The following MATCAP2 variants were observed in gnomAD, a reference collection of about 807,000 sequenced individuals.
MATCAP2 encodes microtubule associated tyrosine carboxypeptidase 2, also known as putative tyrosine carboxypeptidase MATCAP2.
the MATCAP2 span, among the ~76,000 whole-genome samples, chr7:36,353,061 G>A: frequency 6.6e-6 from 1 of 152,034 alleles, no homozygotes; most frequent in South Asian, 2.1e-4. Context: ...GATCACTTGA[G>A]CTCAGGAGAC....
chr7:36,343,640 GAAAA>G, the MATCAP2 span, among the ~76,000 whole-genome samples: 2 of 16,470 alleles, frequency 1.2e-4, no homozygotes, highest in Admixed American at 2.0e-3. Flanking sequence ...AAAAGAAAAA[GAAAA>G]AGAAAAGAGA....
At chr7:36,366,261 G>GT in the MATCAP2 span, among the ~76,000 whole-genome samples, 6 of 151,950 alleles carry the variant, frequency 3.9e-5, no homozygotes, top group African/African-American at 9.7e-5. Flanking sequence ...ATTATGTAAG[G>GT]TTTTTTTTAA....
chr7:36,375,220 A>G, the MATCAP2 span, among the ~76,000 whole-genome samples: 1 of 152,140 alleles, frequency 6.6e-6, no homozygotes, highest in Non-Finnish European at 1.5e-5. Flanking sequence ...TGACTTTTTA[A>G]TGATCGCCAT....
the MATCAP2 span, chr7:36,366,604 T>C: frequency 5.0e-6 from 7 of 1,410,264 alleles, no homozygotes; most frequent in East Asian, 1.3e-4. Context: ...CTAGCGTGTT[T>C]TGAAATAGGA....
the MATCAP2 span, among the ~76,000 whole-genome samples, chr7:36,362,928 G>A: frequency 2.6e-5 from 4 of 152,214 alleles, no homozygotes; most frequent in East Asian, 5.8e-4. Flanking sequence ...TATATTTGTT[G>A]TATGACAGAC....
chr7:36,356,778 G>A, the MATCAP2 span: 1 of 817,354 alleles, frequency 1.2e-6, no homozygotes, highest in Non-Finnish European at 2.0e-6. Flanking sequence ...TGTCCTGAGT[G>A]GGAATTAACC....
At chr7:36,358,788 GC>G in the MATCAP2 span, among the ~76,000 whole-genome samples, 1 of 152,130 alleles carries the variant, frequency 6.6e-6, no homozygotes, top group Admixed American at 6.5e-5. Context: ...TGAAGACAAG[GC>G]ATTCCTATGA....
chr7:36,352,825 C>CA, the MATCAP2 span, among the ~76,000 whole-genome samples: 16,537 of 104,172 alleles, frequency 0.16, 1,042 homozygotes, highest in Admixed American at 0.22. Flanking sequence ...ACTCCCATCT[C>CA]AAAAAAAAAA....
the MATCAP2 span, among the ~76,000 whole-genome samples, chr7:36,343,784 G>T: frequency 3.3e-5 from 5 of 151,766 alleles, no homozygotes; most frequent in Non-Finnish European, 5.9e-5. Context: ...AAAATGAGAG[G>T]GAAGGTGAGA....
chr7:36,389,905 G>T, the MATCAP2 span: 2 of 1,570,574 alleles, frequency 1.3e-6, no homozygotes, highest in Non-Finnish European at 1.7e-6. Flanking sequence ...GCTGGTTGTG[G>T]GAGAGTTCCC....
chr7:36,384,591 C>T, the MATCAP2 span, among the ~76,000 whole-genome samples: 1 of 152,122 alleles, frequency 6.6e-6, no homozygotes, highest in African/African-American at 2.4e-5. Context: ...AAACACATAA[C>T]TAAAATAATG....
the MATCAP2 span, among the ~76,000 whole-genome samples, chr7:36,328,022 T>C: frequency 6.6e-6 from 1 of 152,252 alleles, no homozygotes; most frequent in Middle Eastern, 3.4e-3. Context: ...CAGGTACTTA[T>C]ATTAGGTTTA....
chr7:36,341,659 T>A, the MATCAP2 span, among the ~76,000 whole-genome samples: 1 of 152,122 alleles, frequency 6.6e-6, no homozygotes, highest in Non-Finnish European at 1.5e-5. Context: ...TCCCAGCACC[T>A]TGAGAGACCA....
At chr7:36,354,420 C>T in the MATCAP2 span, among the ~76,000 whole-genome samples, 2 of 152,354 alleles carry the variant, frequency 1.3e-5, no homozygotes, top group African/African-American at 2.4e-5. Flanking sequence ...CAATCATCCT[C>T]CAAAACAATA....
At chr7:36,334,076 A>C in the MATCAP2 span, 1 of 1,614,148 alleles carries the variant, frequency 6.2e-7, no homozygotes, top group African/African-American at 1.3e-5. Flanking sequence ...CTGTGGGATT[A>C]TTTGGCTTTA....
At chr7:36,343,746 ATTATC>A in the MATCAP2 span, among the ~76,000 whole-genome samples, 1 of 151,958 alleles carries the variant, frequency 6.6e-6, no homozygotes, top group Non-Finnish European at 1.5e-5. Flanking sequence ...AGTATAAAAA[ATTATC>A]TTAGGAAAAG....
the MATCAP2 span, among the ~76,000 whole-genome samples, chr7:36,347,745 A>G: frequency 6.6e-6 from 1 of 152,154 alleles, no homozygotes; most frequent in African/African-American, 2.4e-5. Context: ...TTGCCCTCCA[A>G]CTTTTTACTC....
At chr7:36,347,618 A>C in the MATCAP2 span, among the ~76,000 whole-genome samples, 3 of 152,182 alleles carry the variant, frequency 2.0e-5, no homozygotes, top group African/African-American at 7.2e-5. Flanking sequence ...AGTTGTGAAG[A>C]CAAAATGAAA....
At chr7:36,367,356 G>C in the MATCAP2 span, 7 of 990,940 alleles carry the variant, frequency 7.1e-6, no homozygotes, top group Non-Finnish European at 8.4e-6. Context: ...AACTCCCGGC[G>C]TGCACAGCGC....
Sources: gnomAD v4.1 joint callset for allele counts (sites outside exome capture counted in the v4.1 genomes callset) on GRCh38, gnomAD v4.1.1 for gene constraint, MANE v1.5 for transcripts, NCBI Gene and HGNC (gene_info 2026-07-23, HGNC 2026-07-21) for gene names.